ZNF569: variants seen among roughly 807,000 people sequenced by gnomAD.
The protein encoded by ZNF569 is zinc finger protein 569.
Under a neutral mutation model 56.3 loss-of-function variants are expected in ZNF569, and 38 were observed. That is an observed-to-expected ratio of 0.68 (90% CI 0.52 to 0.88). ZNF569 has a LOEUF of 0.88. Ranked by LOEUF, ZNF569 falls within the 40% of genes least tolerant of loss-of-function variation. The pLI, the probability that ZNF569 is intolerant of heterozygous loss-of-function variation, is 0.00. For missense variants in ZNF569, 666 were observed against 809.2 expected (o/e 0.82, Z 2.15); for synonymous variants, 241 against 262.9 (o/e 0.92, Z 0.81).
rs574774410 is a variant in ZNF569, at chr19:37,457,360, T to C, written c.-44+7953A>G. On this transcript the variant is annotated intron_variant, in intron 2 of 5. Coordinates refer to ENST00000316950, the MANE Select transcript of ZNF569 (RefSeq NM_152484.3). ...GTAACACTCCCCTGTTTAAACTTCTTTTTTTCCCCTTGCCCAAAATTTACT... is the reference window on the plus strand; with the variant it reads ...GTAACACTCCCCTGTTTAAACTTCTCTTTTTCCCCTTGCCCAAAATTTACT... Among the ~76,000 whole-genome samples, 5 of 152,252 alleles carry C rather than the reference T, an allele frequency of 3.3e-5. 1 individual carries two copies. The highest frequency in any genetic ancestry group is 3.3e-4 in the Admixed American group (5 of 15,286).
At chr19:37,438,647 G>A (rs1236943015) in intron 3 of ZNF569, among the ~76,000 whole-genome samples, 1 of 152,194 alleles carries the variant, frequency 6.6e-6, no homozygotes, top group South Asian at 2.1e-4. Flanking sequence ...ACTATGAAAC[G>A]ACTAAAAGAA....
In ZNF569 at chr19:37,412,664, A is replaced by G. The variant is rs748254150; in HGVS notation, c.1994T>C (p.Ile665Thr). 5.6e-6 allele frequency: 9 copies of G among 1,613,880 alleles called. No individual in the cohort carries two copies. Among genetic ancestry groups the G allele is most frequent in the Middle Eastern group, 3.3e-4 (2 of 6,058 alleles). Residue 665 changes from isoleucine (I) to threonine (T), a missense_variant, in exon 6 of 6, where the codon ATT becomes ACT. Transcript: ENST00000316950. ...KHTGEKPYHC[I>T]ECGKAFSQKS... ...TTGGCTGAAAGCCTTGCCACACTCA[A>G]TACAGTGATAGGGCTTCTCACCTGT...
intron 3 of ZNF569, among the ~76,000 whole-genome samples, chr19:37,444,164 C>T (rs1274146005): frequency 6.6e-6 from 1 of 152,094 alleles, no homozygotes; most frequent in Non-Finnish European, 1.5e-5. Context: ...AGTCAAAATA[C>T]AGAACATTTT....
At chr19:37,442,378 T>C (rs888006178) in intron 3 of ZNF569, among the ~76,000 whole-genome samples, 12 of 152,042 alleles carry the variant, frequency 7.9e-5, no homozygotes, top group Non-Finnish European at 1.5e-5. Context: ...CAAGACAAAG[T>C]TGGTCTGCTC....
At position 37,413,198 on chromosome 19, in the gene ZNF569, AT is replaced by A. The variant is rs776528989; in HGVS notation, c.1459del (p.Ile487PhefsTer55). On this transcript the variant is annotated frameshift_variant, in exon 6 of 6. Transcript: ENST00000316950. LOFTEE classifies it high-confidence loss of function. ...TTCATAGGGTTTCTCTCCAGAATGA[AT>A]TTTTTCATGAGCAATGAGATTTGAT... ...QKSNLIAHEK[I>X]HSGEKPYECN... is the part of the protein sequence containing the mutation. The A allele has an allele frequency of 3.1e-6, 5 of 1,606,212 alleles. No homozygotes were observed. The highest frequency in any genetic ancestry group is 4.2e-6 in the Non-Finnish European group (5 of 1,177,550).
chr19:37,461,802 T>A lies in ZNF569; in HGVS notation c.-44+3511A>T, dbSNP rs78352409. ...TTATTTTGCCAACTTAAGACTCTTC[T>A]TGCCTCTCTCTCACATTATTCCTCT... On this transcript the variant is annotated intron_variant, in intron 2 of 5. Transcript: ENST00000316950. Among the ~76,000 whole-genome samples the A allele has an allele frequency of 2.1e-3, 315 of 152,298 alleles. 7 individuals carry two copies. The East Asian group carries it at 0.055, about 27-fold the overall frequency.
At chr19:37,425,318 ATTTTTTTTTT>A (rs770808954) in intron 5 of ZNF569, among the ~76,000 whole-genome samples, 1 of 104,148 alleles carries the variant, frequency 9.6e-6, no homozygotes, top group Non-Finnish European at 1.8e-5. Context: ...CACGTGGCTA[ATTTTTTTTTT>A]TTTTTTTTTT....
At chr19:37,459,274 AAAC>A (rs931747271) in intron 2 of ZNF569, among the ~76,000 whole-genome samples, 8 of 145,110 alleles carry the variant, frequency 5.5e-5, no homozygotes, top group Admixed American at 5.5e-4. Flanking sequence ...GAAACTGAAA[AAAC>A]AACAACAAAA....
chr19:37,461,195 C>T (rs1215713958), intron 2 of ZNF569, among the ~76,000 whole-genome samples: 1 of 152,004 alleles, frequency 6.6e-6, no homozygotes, highest in East Asian at 1.9e-4. Flanking sequence ...ATTAGAATAT[C>T]GCCATTTTGT....
At chr19:37,423,735 C>A (rs1356126565) in intron 5 of ZNF569, among the ~76,000 whole-genome samples, 7 of 151,992 alleles carry the variant, frequency 4.6e-5, no homozygotes, top group Non-Finnish European at 1.0e-4. Flanking sequence ...CAAAGGATAC[C>A]AACTGTTTAT....
chr19:37,420,210 G>A (rs1463020254), intron 5 of ZNF569, among the ~76,000 whole-genome samples: 6 of 151,700 alleles, frequency 4.0e-5, no homozygotes, highest in Non-Finnish European at 8.8e-5. Flanking sequence ...GGCTAGTCTC[G>A]AACTCCTGAC....
intron 3 of ZNF569, among the ~76,000 whole-genome samples, chr19:37,427,562 G>A (rs191129477): frequency 2.0e-5 from 3 of 152,206 alleles, no homozygotes; most frequent in Admixed American, 6.5e-5. Flanking sequence ...CCAATAGCTC[G>A]TTCACAATGT....
At chr19:37,420,631 C>T (rs984939031) in intron 5 of ZNF569, among the ~76,000 whole-genome samples, 2 of 152,182 alleles carry the variant, frequency 1.3e-5, no homozygotes, top group Admixed American at 1.3e-4. Flanking sequence ...ACTTCTCTTG[C>T]TAGTTGCACA....
At chr19:37,414,464 ATATTG>A in intron 5 of ZNF569, 45 bp from the exon 6 acceptor site, 1 of 1,518,982 alleles carries the variant, frequency 6.6e-7, no homozygotes, top group Non-Finnish European at 8.8e-7. Flanking sequence ...TTTTTTTCCA[ATATTG>A]TAATATGAAG....
At chr19:37,441,786 TA>T (rs2041411299) in intron 3 of ZNF569, among the ~76,000 whole-genome samples, 1 of 152,032 alleles carries the variant, frequency 6.6e-6, no homozygotes, top group South Asian at 2.1e-4. Context: ...GGCCAGTTGA[TA>T]AAGAGAGGTC....
chr19:37,435,317 C>A (rs1440564792), intron 3 of ZNF569, among the ~76,000 whole-genome samples: 2 of 151,794 alleles, frequency 1.3e-5, no homozygotes, highest in Non-Finnish European at 2.9e-5. Context: ...AAAAAACATA[C>A]AACAGATACA....
At chr19:37,435,081 C>T (rs1426175998) in intron 3 of ZNF569, among the ~76,000 whole-genome samples, 4 of 152,068 alleles carry the variant, frequency 2.6e-5, no homozygotes, top group South Asian at 2.1e-4. Flanking sequence ...GCTGAGATCA[C>T]GCCACTACGC....
intron 3 of ZNF569, among the ~76,000 whole-genome samples, chr19:37,434,337 A>C (rs2041274301): frequency 6.6e-6 from 1 of 151,990 alleles, no homozygotes; most frequent in Non-Finnish European, 1.5e-5. Context: ...AAGATGAATC[A>C]ATATAAATAC....
At chr19:37,458,686 T>G (rs999672622) in intron 2 of ZNF569, among the ~76,000 whole-genome samples, 1 of 152,236 alleles carries the variant, frequency 6.6e-6, no homozygotes, top group African/African-American at 2.4e-5. Context: ...TGGTTTGATG[T>G]TTCATGGCCC....
Sources: allele counts gnomAD v4.1 joint callset (sites outside exome capture counted in the v4.1 genomes callset), GRCh38; gene constraint gnomAD v4.1.1; transcripts MANE v1.5; gene names NCBI Gene and HGNC (gene_info 2026-07-23, HGNC 2026-07-21).